SLC35F5: variants seen among roughly 807,000 people sequenced by gnomAD.
SLC35F5 encodes solute carrier family 35 member F5, also known as HCV NS5A-transactivated protein 3.
SLC35F5 carries 54 observed loss-of-function variants against 68.6 expected under a neutral mutation model. The ratio of observed to expected loss-of-function variants is 0.79; its 90% CI spans 0.63 to 0.99. The LOEUF (loss-of-function observed/expected upper bound fraction) is 0.99, where lower values mean the gene tolerates loss of function less well. Ranked by LOEUF, SLC35F5 falls within the 50% of genes least tolerant of loss-of-function variation. The probability of loss-of-function intolerance (pLI) is 0.00; values close to 1 mark genes in which losing one functional copy is unlikely to be tolerated. For synonymous variants in SLC35F5, 211 were observed against 205.2 expected, an observed-to-expected ratio of 1.03 and a Z score of -0.24; for missense variants, 567 against 626.9, an observed-to-expected ratio of 0.90 and a Z score of 1.02.
intron 11 of SLC35F5, among the ~76,000 whole-genome samples, chr2:113,727,603 T>C (rs1687714582): frequency 6.6e-6 from 1 of 152,204 alleles, no homozygotes; most frequent in Non-Finnish European, 1.5e-5. Context: ...CATGCCTTTC[T>C]GTTCTTCTTC....
chr2:113,751,355 G>T (rs574118948), intron 3 of SLC35F5, among the ~76,000 whole-genome samples: 4 of 152,156 alleles, frequency 2.6e-5, no homozygotes, highest in Admixed American at 1.3e-4. Context: ...TTGTTTGTTT[G>T]TTTGTTTTTA....
chr2:113,704,204 C>G (rs1210711134), downstream of SLC35F5: 3 of 152,336 alleles, frequency 2.0e-5, no homozygotes. Context: ...CGCTTTTATT[C>G]TCTTATCTGG....
chr2:113,748,900 T>C (rs912365277), intron 4 of SLC35F5, among the ~76,000 whole-genome samples: 4 of 152,158 alleles, frequency 2.6e-5, no homozygotes, highest in African/African-American at 7.2e-5. Flanking sequence ...GACTCCCAAG[T>C]CCATGCAACT....
At chr2:113,745,145 T>C (rs1676437164) in intron 5 of SLC35F5, among the ~76,000 whole-genome samples, 1 of 152,188 alleles carries the variant, frequency 6.6e-6, no homozygotes, top group South Asian at 2.1e-4. Flanking sequence ...ATATCCATCT[T>C]ACAGATAATA....
intron 4 of SLC35F5, among the ~76,000 whole-genome samples, chr2:113,748,190 C>G (rs1283743089): frequency 6.6e-6 from 1 of 152,162 alleles, no homozygotes; most frequent in Non-Finnish European, 1.5e-5. Flanking sequence ...TTTTTTGAGA[C>G]AGTCTCACTC....
At chr2:113,730,797 C>T (rs892020820) in intron 10 of SLC35F5, among the ~76,000 whole-genome samples, 3 of 152,116 alleles carry the variant, frequency 2.0e-5, no homozygotes, top group Non-Finnish European at 4.4e-5. Context: ...TCTAAGTGTT[C>T]ACCATAGCAG....
In SLC35F5 at chr2:113,725,359, G is replaced by T; in HGVS notation, c.1250+19C>A. The T allele has an allele frequency of 6.3e-7, 1 of 1,575,528 alleles. No homozygotes were observed. The highest frequency in any genetic ancestry group is 1.2e-5 in the South Asian group (1 of 84,062). The stretch of plus-strand genomic sequence containing the variant: ...AAAATTAATCAACTGATAATAATTG[G>T]AGAATAAACAGTACATACCACAACC... On this transcript the variant is annotated intron_variant, in intron 12 of 15. Coordinates refer to ENST00000245680, the MANE Select transcript of SLC35F5 (RefSeq NM_025181.5).
chr2:113,755,521 AAGG>A lies in SLC35F5; in HGVS notation c.61_63del (p.Pro21del). 3.1e-6 allele frequency: 5 copies of A among 1,613,990 alleles called. No homozygotes were observed. Among genetic ancestry groups the A allele is most frequent in the Non-Finnish European group, 4.2e-6 (5 of 1,179,960 alleles). ...GAAAACTTGGCAGATCTCAGTCTAA[AAGG>A]AGGTGAAGAACTCAGCACCCCTAAA... is the stretch of plus-strand genomic sequence containing the variant. On this transcript the variant is annotated inframe_deletion, in exon 2 of 16. Coordinates refer to ENST00000245680, the MANE Select transcript of SLC35F5 (RefSeq NM_025181.5).
In SLC35F5 at chr2:113,708,843, G is replaced by T. The variant is rs1686878052; in HGVS notation, c.*6375C>A. 6.9e-6 allele frequency among the ~76,000 whole-genome samples: 1 copy of T among 145,436 alleles called. No individual in the cohort carries two copies. The highest frequency in any genetic ancestry group is 2.2e-4 in the South Asian group (1 of 4,536). On this transcript the variant is annotated 3_prime_UTR_variant, in exon 16 of 16. Coordinates refer to ENST00000245680, the MANE Select transcript of SLC35F5 (RefSeq NM_025181.5). ...TGAAAATCAAGATCAAGCAGGTGAT[G>T]AAAACTATACCTTTTGAACATGCAT...
At chr2:113,720,097 AAAT>A (rs1437757090) in intron 13 of SLC35F5, among the ~76,000 whole-genome samples, 4 of 151,592 alleles carry the variant, frequency 2.6e-5, no homozygotes, top group Middle Eastern at 3.4e-3. Context: ...AGAAAATAAA[AAAT>A]AATGAGATGC....
chr2:113,724,074 A>G (rs1687563451), intron 12 of SLC35F5, among the ~76,000 whole-genome samples: 1 of 152,228 alleles, frequency 6.6e-6, no homozygotes, highest in Non-Finnish European at 1.5e-5. Flanking sequence ...GCTATCTCTC[A>G]ATAAAGTGTC....
downstream of SLC35F5, among the ~76,000 whole-genome samples, chr2:113,706,433 A>C (rs2104943221): frequency 6.6e-6 from 1 of 152,262 alleles, no homozygotes; most frequent in Middle Eastern, 3.4e-3. Flanking sequence ...CATCCTAGGG[A>C]TAGCATTGGC....
chr2:113,752,784 G>A (rs910391971), intron 3 of SLC35F5, among the ~76,000 whole-genome samples: 5 of 152,144 alleles, frequency 3.3e-5, no homozygotes, highest in African/African-American at 1.2e-4. Flanking sequence ...CACCACCGGA[G>A]AAAACTGGAC....
chr2:113,735,738 C>T lies in SLC35F5; in HGVS notation c.832+39G>A, dbSNP rs10199515. Reference sequence around the variant, plus strand: ...CACATATATACCAGAAATACATACACTGATTTATAATGCAGATTTTTAAAG... The same window carrying T: ...CACATATATACCAGAAATACATACATTGATTTATAATGCAGATTTTTAAAG... On this transcript the variant is annotated intron_variant, in intron 8 of 15. Coordinates refer to ENST00000245680, the MANE Select transcript of SLC35F5 (RefSeq NM_025181.5). The T allele has an allele frequency of 2.9e-6, 4 of 1,361,866 alleles. No individual in the cohort carries two copies. In the African/African-American group the frequency reaches 5.8e-5, roughly 20 times the overall value. 84.4% of individuals were successfully genotyped at this position (1,361,866 alleles called of 1,614,324 possible). A position where few individuals can be genotyped will look rare whatever the true frequency, so the allele number is the denominator to read the frequency against.
intron 15 of SLC35F5, among the ~76,000 whole-genome samples, chr2:113,716,482 A>C (rs1407494413): frequency 2.0e-5 from 3 of 152,230 alleles, no homozygotes; most frequent in Admixed American, 1.3e-4. Flanking sequence ...TTATGCAACA[A>C]CTACACAGGG....
chr2:113,719,904 C>G (rs1335237943), intron 13 of SLC35F5, among the ~76,000 whole-genome samples: 1 of 151,488 alleles, frequency 6.6e-6, no homozygotes, highest in Non-Finnish European at 1.5e-5. Flanking sequence ...AATATTTTTA[C>G]TAAGGAATGT....
chr2:113,750,187 T>C (rs13416738), intron 4 of SLC35F5, among the ~76,000 whole-genome samples: 14,002 of 152,294 alleles, frequency 0.092, 818 homozygotes, highest in Non-Finnish European at 0.13. Flanking sequence ...AATTCAAGAA[T>C]TTTTAACAAC....
Position 113,744,628 on chromosome 2 carries a change from G to T in SLC35F5, c.481-834C>A, listed in dbSNP as rs1336339513. ...TAGCTGAGCGTGGTGGTGTGTGCCTGTAATCCCAGCTACTCATGAGGTGGA... is the reference window on the plus strand; with the variant it reads ...TAGCTGAGCGTGGTGGTGTGTGCCTTTAATCCCAGCTACTCATGAGGTGGA... On this transcript the variant is annotated intron_variant, in intron 5 of 15. Coordinates refer to ENST00000245680, the MANE Select transcript of SLC35F5 (RefSeq NM_025181.5). Among the ~76,000 whole-genome samples the T allele has an allele frequency of 5.3e-5, 8 of 152,230 alleles. No individual in the cohort carries two copies. In the East Asian group the frequency reaches 1.5e-3, roughly 29 times the overall value.
chr2:113,724,091 A>G (rs1027732493), intron 12 of SLC35F5, among the ~76,000 whole-genome samples: 5 of 152,240 alleles, frequency 3.3e-5, no homozygotes, highest in Non-Finnish European at 7.4e-5. Context: ...TGTCACTAGA[A>G]GTAATGAACA....
Sources: gnomAD v4.1 joint callset for allele counts (sites outside exome capture counted in the v4.1 genomes callset) on GRCh38, gnomAD v4.1.1 for gene constraint, MANE v1.5 for transcripts, NCBI Gene and HGNC (gene_info 2026-07-23, HGNC 2026-07-21) for gene names.